The following TBC1D5 variants were observed in gnomAD, a reference collection of about 807,000 sequenced individuals.
TBC1D5 encodes TBC1 domain family member 5.
TBC1D5 carries 75 observed loss-of-function variants against 100.3 expected under a neutral mutation model. That is an observed-to-expected ratio of 0.75 (90% CI 0.62 to 0.91). TBC1D5 has a LOEUF of 0.91. TBC1D5 is among the 40% of genes least tolerant of loss of function. The pLI, the probability that TBC1D5 is intolerant of heterozygous loss-of-function variation, is 0.00. For missense variants in TBC1D5, 910 were observed against 942.4 expected (o/e 0.97, Z 0.45); for synonymous variants, 323 against 325.6 (o/e 0.99, Z 0.09).
At chr3:17,741,041 C>G (rs917113530), upstream of TBC1D5, 1 of 152,130 alleles carries the variant, frequency 6.6e-6, no homozygotes, top group East Asian at 1.9e-4. Flanking sequence ...CCTCTACACC[C>G]GGGGGTGAGT....
At chr3:17,214,394 T>C (rs763158300) in intron 17 of TBC1D5, 24 bp from the exon 19 acceptor site, 87 of 1,604,094 alleles carry the variant, frequency 5.4e-5, no homozygotes, top group Non-Finnish European at 6.8e-5. Context: ...TAAGTAGCAA[T>C]AATGAAACAC....
intron 8 of TBC1D5, among the ~76,000 whole-genome samples, chr3:17,396,600 AT>A (rs1367848234): frequency 6.6e-6 from 1 of 152,072 alleles, no homozygotes; most frequent in Non-Finnish European, 1.5e-5. Context: ...AAAAAAATCA[AT>A]AAATTACTCA....
intron 17 of TBC1D5, among the ~76,000 whole-genome samples, chr3:17,224,016 T>A (rs76660204): frequency 1.3e-5 from 2 of 152,242 alleles, no homozygotes; most frequent in Non-Finnish European, 2.9e-5. Flanking sequence ...AAGGAATTAT[T>A]ATTTCAAAAT....
intron 13 of TBC1D5, among the ~76,000 whole-genome samples, chr3:17,342,668 G>T (rs988566742): frequency 6.6e-6 from 1 of 151,798 alleles, no homozygotes; most frequent in Non-Finnish European, 1.5e-5. Flanking sequence ...ATAAGCAAAA[G>T]GAAGAAAAAA....
chr3:17,607,310 T>C (rs571084301), intron 2 of TBC1D5, among the ~76,000 whole-genome samples: 1 of 152,176 alleles, frequency 6.6e-6, no homozygotes, highest in Non-Finnish European at 1.5e-5. Flanking sequence ...TAGCAGTGAA[T>C]AAAATTGGAA....
chr3:17,507,661 A>G (rs1219686340), intron 3 of TBC1D5, among the ~76,000 whole-genome samples: 1 of 152,204 alleles, frequency 6.6e-6, no homozygotes, highest in Admixed American at 6.5e-5. Context: ...GTTTGTCTGT[A>G]TACTTTGACT....
chr3:17,445,831 T>G (rs1262490780), intron 3 of TBC1D5, among the ~76,000 whole-genome samples: 3 of 152,210 alleles, frequency 2.0e-5, no homozygotes. Context: ...CTTCAAGTCT[T>G]GGACCATATT....
intron 15 of TBC1D5, among the ~76,000 whole-genome samples, chr3:17,284,730 T>G (rs1359113544): frequency 6.6e-6 from 1 of 152,228 alleles, no homozygotes; most frequent in Non-Finnish European, 1.5e-5. Flanking sequence ...TTAATAAAGA[T>G]TTTCATATTA....
At chr3:17,588,227 C>T (rs1433219566) in intron 2 of TBC1D5, among the ~76,000 whole-genome samples, 1 of 130,484 alleles carries the variant, frequency 7.7e-6, no homozygotes, top group East Asian at 2.2e-4. Context: ...AACAAATTGA[C>T]ATACCATCAG....
At chr3:17,531,804 C>G in intron 2 of TBC1D5, among the ~76,000 whole-genome samples, 1 of 152,168 alleles carries the variant, frequency 6.6e-6, no homozygotes. Flanking sequence ...GAAACTGGAT[C>G]CCTTCCTTAC....
chr3:17,375,742 G>C (rs1057168395), intron 10 of TBC1D5, among the ~76,000 whole-genome samples: 2 of 151,750 alleles, frequency 1.3e-5, no homozygotes, highest in Non-Finnish European at 1.5e-5. Context: ...TAAACTAATA[G>C]ACAAAAGTTA....
chr3:17,426,942 T>A (rs534153508), intron 4 of TBC1D5, among the ~76,000 whole-genome samples: 1 of 152,126 alleles, frequency 6.6e-6, no homozygotes, highest in South Asian at 2.1e-4. Context: ...TATCATAGAT[T>A]TCATATATTA....
intron 2 of TBC1D5, among the ~76,000 whole-genome samples, chr3:17,616,163 A>G (rs963684906): frequency 2.0e-5 from 3 of 152,154 alleles, no homozygotes; most frequent in Non-Finnish European, 4.4e-5. Context: ...GTCATTCAGG[A>G]GCAAATTGTT....
intron 3 of TBC1D5, among the ~76,000 whole-genome samples, chr3:17,443,416 A>G (rs2094712399): frequency 6.6e-6 from 1 of 152,260 alleles, no homozygotes; most frequent in Non-Finnish European, 1.5e-5. Context: ...AACAATGTAT[A>G]GCCAATCACT....
At chr3:17,483,766 C>A (rs1174511430) in intron 3 of TBC1D5, among the ~76,000 whole-genome samples, 1 of 152,084 alleles carries the variant, frequency 6.6e-6, no homozygotes, top group African/African-American at 2.4e-5. Context: ...TAATAAGTTA[C>A]TTGTGATGTT....
At chr3:17,350,484 G>A (rs545368027) in intron 13 of TBC1D5, among the ~76,000 whole-genome samples, 1 of 152,202 alleles carries the variant, frequency 6.6e-6, no homozygotes, top group Admixed American at 6.6e-5. Flanking sequence ...TATTTCACCA[G>A]AGACATAAGC....
Position 17,406,892 on chromosome 3 carries a change from G to T in TBC1D5, c.168-366C>A, listed in dbSNP as rs1022618956. Among the ~76,000 whole-genome samples the T allele has an allele frequency of 1.6e-4, 25 of 152,138 alleles. No individual in the cohort carries two copies. In the East Asian group the frequency reaches 4.5e-3, roughly 27 times the overall value. ...ACCTGCTCCAAAAATATGCAACAAA[G>T]AAGTGTAATGTTGATTATATTAGCT... On this transcript the variant is annotated intron_variant, in intron 4 of 21. Transcript: ENST00000253692.
At chr3:17,159,714 C>A (rs2065878797) in exon 22 of TBC1D5, 1 of 152,326 alleles carries the variant, frequency 6.6e-6, no homozygotes, top group Admixed American at 6.5e-5. Context: ...TGTGCTCAGC[C>A]CAGGAAGGCA....
intron 18 of TBC1D5, among the ~76,000 whole-genome samples, chr3:17,212,555 G>C (rs1214225279): frequency 1.3e-5 from 2 of 152,028 alleles, no homozygotes; most frequent in Non-Finnish European, 2.9e-5. Context: ...CCTTCAGGAA[G>C]TATTCCAGAA....
Sources: gnomAD v4.1 joint callset for allele counts (sites outside exome capture counted in the v4.1 genomes callset) on GRCh38, gnomAD v4.1.1 for gene constraint, MANE v1.5 for transcripts, NCBI Gene and HGNC (gene_info 2026-07-23, HGNC 2026-07-21) for gene names.